ADAD1: variants seen among roughly 807,000 people sequenced by gnomAD.
The protein encoded by ADAD1 is adenosine deaminase domain-containing protein 1.
ADAD1 carries 46 observed loss-of-function variants against 66.8 expected under a neutral mutation model. That is an observed-to-expected ratio of 0.69 (90% CI 0.54 to 0.88). ADAD1 has a LOEUF of 0.88. ADAD1 is among the 40% of genes least tolerant of loss of function. The pLI, the probability that ADAD1 is intolerant of heterozygous loss-of-function variation, is 0.00. For missense variants in ADAD1, 617 were observed against 681.8 expected, an observed-to-expected ratio of 0.91 and a Z score of 1.06; for synonymous variants, 248 against 229.4, an observed-to-expected ratio of 1.08 and a Z score of -0.73.
At chr4:122,428,088 A>T (rs951555209) in intron 12 of ADAD1, among the ~76,000 whole-genome samples, 7 of 152,192 alleles carry the variant, frequency 4.6e-5, no homozygotes, top group Non-Finnish European at 1.0e-4. Flanking sequence ...AAAACAATTA[A>T]CTTAGATCTT....
intron 12 of ADAD1, among the ~76,000 whole-genome samples, chr4:122,421,979 TC>T (rs1272149284): frequency 6.6e-6 from 1 of 152,118 alleles, no homozygotes; most frequent in Admixed American, 6.5e-5. Flanking sequence ...AAGTTAATAC[TC>T]AGTCTTTTAA....
intron 7 of ADAD1, among the ~76,000 whole-genome samples, chr4:122,404,636 T>C (rs1248901195): frequency 6.6e-6 from 1 of 152,280 alleles, no homozygotes; most frequent in African/African-American, 2.4e-5. Flanking sequence ...GAGTAAAAGT[T>C]CATGATGTGA....
chr4:122,385,102 A>G (rs1561530741), intron 5 of ADAD1, among the ~76,000 whole-genome samples: 1 of 152,204 alleles, frequency 6.6e-6, no homozygotes, highest in Non-Finnish European at 1.5e-5. Context: ...GTAGAAGATA[A>G]GAGTTCAGTA....
chr4:122,392,200 T>G (rs2150546926), intron 5 of ADAD1, among the ~76,000 whole-genome samples: 1 of 152,308 alleles, frequency 6.6e-6, no homozygotes, highest in South Asian at 2.1e-4. Context: ...TATTACTGGG[T>G]TTATAACCAA....
At chr4:122,400,731 G>A (rs1795934778) in intron 7 of ADAD1, among the ~76,000 whole-genome samples, 2 of 152,026 alleles carry the variant, frequency 1.3e-5, no homozygotes, top group South Asian at 2.1e-4. Flanking sequence ...TAATCTAGGA[G>A]GGTTGTCTGT....
intron 12 of ADAD1, among the ~76,000 whole-genome samples, chr4:122,428,166 A>G (rs1207911998): frequency 6.6e-6 from 1 of 152,148 alleles, no homozygotes; most frequent in Non-Finnish European, 1.5e-5. Context: ...CTAAAACTAT[A>G]AAACTTTCAA....
intron 5 of ADAD1, among the ~76,000 whole-genome samples, chr4:122,386,880 G>T (rs922125396): frequency 1.3e-5 from 2 of 152,082 alleles, no homozygotes; most frequent in Admixed American, 6.5e-5. Flanking sequence ...TATCTATTCT[G>T]CTCCAATGGT....
chr4:122,381,408 G>A (rs1483178824), intron 4 of ADAD1, among the ~76,000 whole-genome samples: 1 of 152,026 alleles, frequency 6.6e-6, no homozygotes, highest in African/African-American at 2.4e-5. Flanking sequence ...CTTATGTGTC[G>A]CTAGCTGAAT....
intron 7 of ADAD1, among the ~76,000 whole-genome samples, chr4:122,399,744 T>TC (rs972201106): frequency 1.3e-5 from 2 of 150,290 alleles, no homozygotes; most frequent in East Asian, 3.9e-4. Flanking sequence ...TCTTTTCTTT[T>TC]TTTTTTTTTT....
intron 5 of ADAD1, among the ~76,000 whole-genome samples, chr4:122,392,048 G>A (rs776792719): frequency 3.9e-5 from 6 of 152,156 alleles, no homozygotes; most frequent in Non-Finnish European, 7.3e-5. Flanking sequence ...ATCTTGTACA[G>A]TCTTTCTTTC....
At chr4:122,397,899 G>A (rs1044767829) in intron 7 of ADAD1, among the ~76,000 whole-genome samples, 4 of 152,056 alleles carry the variant, frequency 2.6e-5, no homozygotes, top group Non-Finnish European at 5.9e-5. Flanking sequence ...AATATAAGCA[G>A]GAAAAGCTTG....
intron 7 of ADAD1, 119 bp downstream of exon 7, chr4:122,396,496 TAAG>T: frequency 1.3e-6 from 1 of 794,932 alleles, no homozygotes; most frequent in Non-Finnish European, 1.8e-6. Flanking sequence ...CTTTTTCTAG[TAAG>T]TGTGGGTCAT....
intron 12 of ADAD1, among the ~76,000 whole-genome samples, chr4:122,428,995 T>C (rs1797387249): frequency 6.6e-6 from 1 of 152,164 alleles, no homozygotes; most frequent in African/African-American, 2.4e-5. Context: ...ATGGTGGCTA[T>C]CTACCACCAT....
chr4:122,427,874 G>A (rs941667163), intron 12 of ADAD1, among the ~76,000 whole-genome samples: 3 of 152,004 alleles, frequency 2.0e-5, no homozygotes, highest in African/African-American at 7.3e-5. Context: ...AAAGAAGAAA[G>A]TTGGAAAACT....
At chr4:122,408,954 G>A (rs2150576412) in intron 8 of ADAD1, among the ~76,000 whole-genome samples, 1 of 152,028 alleles carries the variant, frequency 6.6e-6, no homozygotes, top group Admixed American at 6.5e-5. Context: ...TAAAGTTACT[G>A]GAAAGTGTAG....
intron 12 of ADAD1, among the ~76,000 whole-genome samples, chr4:122,421,699 T>C (rs1250668013): frequency 2.0e-5 from 3 of 152,088 alleles, no homozygotes; most frequent in Non-Finnish European, 4.4e-5. Context: ...CTGTATATGG[T>C]ATTAATTGTA....
chr4:122,386,004 C>T (rs529578284), intron 5 of ADAD1, among the ~76,000 whole-genome samples: 8 of 152,216 alleles, frequency 5.3e-5, no homozygotes, highest in Middle Eastern at 3.4e-3. Flanking sequence ...AGTAAACATA[C>T]GTGTGCATGT....
chr4:122,398,258 C>T (rs1645985885), intron 7 of ADAD1, among the ~76,000 whole-genome samples: 1 of 151,804 alleles, frequency 6.6e-6, no homozygotes, highest in Admixed American at 6.6e-5. Context: ...TTTTCCATTC[C>T]TCGTTACTTC....
At chr4:122,414,902 TA>T (rs1560600863) in intron 10 of ADAD1, among the ~76,000 whole-genome samples, 1 of 152,156 alleles carries the variant, frequency 6.6e-6, no homozygotes, top group Non-Finnish European at 1.5e-5. Context: ...TTCTTTAAAT[TA>T]TTTTGCAGTG....
Sources: allele counts gnomAD v4.1 joint callset (sites outside exome capture counted in the v4.1 genomes callset), GRCh38; gene constraint gnomAD v4.1.1; transcripts MANE v1.5; gene names NCBI Gene and HGNC (gene_info 2026-07-23, HGNC 2026-07-21).